The following KCTD1 variants were observed in gnomAD, a reference collection of about 807,000 sequenced individuals.
The protein encoded by KCTD1 is potassium channel tetramerization domain containing 1.
KCTD1 carries 24 observed loss-of-function variants against 66.0 expected under a neutral mutation model. The ratio of observed to expected loss-of-function variants is 0.36; its 90% confidence interval spans 0.26 to 0.51. The LOEUF is 0.51. Among genes scored for constraint, KCTD1 ranks in the 20% least tolerant of loss-of-function variants. The pLI is 0.95. For missense variants in KCTD1, 943 were observed against 1,205.2 expected (o/e 0.78, Z 3.22); for synonymous variants, 511 against 517.2 (o/e 0.99, Z 0.16).
chr18:26,650,184 T>C (rs1988004282), intron 1 of KCTD1, among the ~76,000 whole-genome samples: 1 of 152,228 alleles, frequency 6.6e-6, no homozygotes, highest in African/African-American at 2.4e-5. Flanking sequence ...ATTGATCTAA[T>C]TGGTTAGAAA....
At chr18:26,617,293 C>T (rs952810198) in intron 1 of KCTD1, among the ~76,000 whole-genome samples, 3 of 152,218 alleles carry the variant, frequency 2.0e-5, no homozygotes, top group African/African-American at 7.2e-5. Context: ...GGTCAAGGAA[C>T]AGGCATTACA....
intron 1 of KCTD1, among the ~76,000 whole-genome samples, chr18:26,613,371 C>A (rs1260263419): frequency 1.3e-5 from 2 of 152,162 alleles, no homozygotes; most frequent in African/African-American, 4.8e-5. Flanking sequence ...TTCTTGGGCC[C>A]AAACCACCCA....
intron 1 of KCTD1, among the ~76,000 whole-genome samples, chr18:26,580,488 C>T (rs1986326569): frequency 1.3e-5 from 2 of 152,136 alleles, no homozygotes; most frequent in African/African-American, 4.8e-5. Context: ...CAAGCAGCAG[C>T]TGAGAGCACA....
chr18:26,518,171 C>T (rs996563035), intron 1 of KCTD1, among the ~76,000 whole-genome samples: 1 of 152,200 alleles, frequency 6.6e-6, no homozygotes, highest in South Asian at 2.1e-4. Context: ...CATCGTAGCT[C>T]CCCATCTTTC....
chr18:26,643,733 C>T (rs575154693), upstream of KCTD1, among the ~76,000 whole-genome samples: 28 of 152,212 alleles, frequency 1.8e-4, 1 homozygote, highest in Middle Eastern at 3.4e-3. Context: ...GAGGCCAAGG[C>T]GGGCATATCA....
intron 1 of KCTD1, among the ~76,000 whole-genome samples, chr18:26,522,483 T>C (rs2144750065): frequency 6.6e-6 from 1 of 152,282 alleles, no homozygotes; most frequent in South Asian, 2.1e-4. Context: ...TTCAGAACTG[T>C]GAGACAATCC....
rs1046712010 is a variant in KCTD1, at chr18:26,508,593, A to G, written c.1810-7343T>C. Among the ~76,000 whole-genome samples the G allele has an allele frequency of 3.9e-5, 6 of 152,350 alleles. No homozygotes were observed. The East Asian group carries it at 1.2e-3, about 29-fold the overall frequency. ...AGTGATACCTCCAGAAAAGCATGTCAGTGGTAAAATACCTATATCCTTTGA... is the reference window on the plus strand; with the variant it reads ...AGTGATACCTCCAGAAAAGCATGTCGGTGGTAAAATACCTATATCCTTTGA... On this transcript the variant is annotated intron_variant, in intron 1 of 4. Transcript: ENST00000580059.
intron 1 of KCTD1, among the ~76,000 whole-genome samples, chr18:26,595,590 C>T (rs1379368130): frequency 6.6e-6 from 1 of 152,202 alleles, no homozygotes. Context: ...AAGCCACACA[C>T]AGAGGAGCAA....
At chr18:26,603,996 T>A (rs1986958156) in intron 1 of KCTD1, among the ~76,000 whole-genome samples, 1 of 152,084 alleles carries the variant, frequency 6.6e-6, no homozygotes, top group Non-Finnish European at 1.5e-5. Context: ...GGAGAAAATA[T>A]TTGCGAACTA....
chr18:26,574,303 T>C (rs1986175386), intron 1 of KCTD1, among the ~76,000 whole-genome samples: 1 of 152,264 alleles, frequency 6.6e-6, no homozygotes, highest in African/African-American at 2.4e-5. Flanking sequence ...TGATGTCAGA[T>C]ATTTGTTCTA....
At chr18:26,620,777 G>A (rs1197671474) in intron 1 of KCTD1, among the ~76,000 whole-genome samples, 2 of 151,228 alleles carry the variant, frequency 1.3e-5, no homozygotes, top group Non-Finnish European at 2.9e-5. Flanking sequence ...TAAAAGGTAA[G>A]GGTGGTGGTG....
chr18:26,491,885 T>C (rs1175056709), intron 2 of KCTD1, among the ~76,000 whole-genome samples: 1 of 152,178 alleles, frequency 6.6e-6, no homozygotes, highest in Admixed American at 6.5e-5. Context: ...ACTATATGGC[T>C]GAACATGGGA....
At chr18:26,502,223 G>A (rs1982800817) in intron 1 of KCTD1, among the ~76,000 whole-genome samples, 1 of 152,170 alleles carries the variant, frequency 6.6e-6, no homozygotes, top group Admixed American at 6.5e-5. Context: ...CTAATTTTTT[G>A]TATTTTTAGT....
chr18:26,573,344 T>G (rs1335353129), intron 1 of KCTD1, among the ~76,000 whole-genome samples: 1 of 152,170 alleles, frequency 6.6e-6, no homozygotes, highest in African/African-American at 2.4e-5. Flanking sequence ...TGGTGATGGT[T>G]GTACAACAGT....
intron 1 of KCTD1, among the ~76,000 whole-genome samples, chr18:26,626,669 C>A (rs763757536): frequency 2.6e-5 from 4 of 152,016 alleles, no homozygotes; most frequent in African/African-American, 7.3e-5. Flanking sequence ...GAGACAGGGT[C>A]TCTATATGTT....
intron 1 of KCTD1, among the ~76,000 whole-genome samples, chr18:26,520,957 A>C (rs1012084123): frequency 2.0e-5 from 3 of 152,236 alleles, no homozygotes; most frequent in African/African-American, 7.2e-5. Flanking sequence ...CTCATGCTGT[A>C]AAAAGGAGGC....
intron 1 of KCTD1, among the ~76,000 whole-genome samples, chr18:26,590,515 A>G (rs972075882): frequency 1.1e-4 from 16 of 152,296 alleles, no homozygotes; most frequent in African/African-American, 3.8e-4. Context: ...AAGGTCGCTG[A>G]TCAAGCGATA....
At chr18:26,642,965 G>A (rs1987860320), upstream of KCTD1, among the ~76,000 whole-genome samples, 2 of 152,184 alleles carry the variant, frequency 1.3e-5, no homozygotes, top group African/African-American at 4.8e-5. Flanking sequence ...AAAGGGAAGT[G>A]GAAGCAGGAG....
chr18:26,539,988 TATAG>T (rs1017437506), intron 1 of KCTD1, among the ~76,000 whole-genome samples: 18 of 152,106 alleles, frequency 1.2e-4, no homozygotes, highest in African/African-American at 4.1e-4. Flanking sequence ...ATTTAAAAAA[TATAG>T]ATAGTGTACT....
Sources: allele counts gnomAD v4.1 joint callset (sites outside exome capture counted in the v4.1 genomes callset), GRCh38; gene constraint gnomAD v4.1.1; transcripts MANE v1.5; gene names NCBI Gene and HGNC (gene_info 2026-07-23, HGNC 2026-07-21).